Variants in KCNIP4 observed in about 807,000 individuals in gnomAD.
KCNIP4 encodes the protein Kv channel-interacting protein 4.
A neutral mutation model predicts 34.0 loss-of-function variants in KCNIP4; 12 were observed. That is an observed-to-expected ratio of 0.35 (90% CI 0.23 to 0.57). The LOEUF is 0.57. Among genes scored for constraint, KCNIP4 ranks in the 20% least tolerant of loss-of-function variants. KCNIP4 has a pLI of 0.83. For missense variants in KCNIP4, 238 were observed against 311.7 expected, an observed-to-expected ratio of 0.76 and a Z score of 1.78; for synonymous variants, 124 against 102.2, an observed-to-expected ratio of 1.21 and a Z score of -1.29.
chr4:21,243,215 T>G (rs73249518), intron 1 of KCNIP4, among the ~76,000 whole-genome samples: 1 of 152,096 alleles, frequency 6.6e-6, no homozygotes, highest in East Asian at 1.9e-4. Context: ...CCTCTCTTTA[T>G]GATACATATA....
At chr4:21,412,497 T>C (rs1233455717) in intron 1 of KCNIP4, among the ~76,000 whole-genome samples, 1 of 152,244 alleles carries the variant, frequency 6.6e-6, no homozygotes, top group Non-Finnish European at 1.5e-5. Flanking sequence ...CTTTGGTTAA[T>C]TGACTTGACT....
intron 1 of KCNIP4, among the ~76,000 whole-genome samples, chr4:21,110,031 C>A (rs1749018071): frequency 4.6e-5 from 7 of 152,162 alleles, no homozygotes; most frequent in Admixed American, 4.6e-4. Flanking sequence ...ATCAGGTCTT[C>A]TAGAACAATT....
At chr4:21,767,322 G>A (rs143832884) in intron 1 of KCNIP4, among the ~76,000 whole-genome samples, 62 of 152,130 alleles carry the variant, frequency 4.1e-4, no homozygotes, top group Admixed American at 2.0e-3. Flanking sequence ...TGGGGGTTCA[G>A]AGCAGGGTGG....
At chr4:21,759,219 G>T (rs940606656) in intron 1 of KCNIP4, among the ~76,000 whole-genome samples, 1 of 152,064 alleles carries the variant, frequency 6.6e-6, no homozygotes, top group African/African-American at 2.4e-5. Flanking sequence ...TTAATATATT[G>T]ATTAAATGTG....
chr4:21,041,939 T>C lies in KCNIP4; in HGVS notation c.62-159230A>G, dbSNP rs557318515. ...CCTGCCACTTGCTGCTGTGATCTTA[T>C]CTATAAAAATAAAGACAAAATACCT... On this transcript the variant is annotated intron_variant, in intron 1 of 8. Coordinates refer to ENST00000382152, the MANE Select transcript of KCNIP4 (RefSeq NM_025221.6). Among the ~76,000 whole-genome samples the C allele has an allele frequency of 8.5e-5, 13 of 152,302 alleles. No individual in the cohort carries two copies. The South Asian group carries it at 2.3e-3, about 27-fold the overall frequency.
At chr4:21,642,657 GA>G (rs1020261005) in intron 1 of KCNIP4, among the ~76,000 whole-genome samples, 2 of 152,028 alleles carry the variant, frequency 1.3e-5, no homozygotes, top group Admixed American at 6.6e-5. Context: ...TAGTTCCAAA[GA>G]GAGGAATGCT....
chr4:21,229,580 T>TAA (rs1374235585), intron 1 of KCNIP4, among the ~76,000 whole-genome samples: 1 of 152,182 alleles, frequency 6.6e-6, no homozygotes, highest in East Asian at 1.9e-4. Flanking sequence ...AGAAATCGGA[T>TAA]AACAAACATA....
intron 1 of KCNIP4, among the ~76,000 whole-genome samples, chr4:20,952,977 G>A (rs1560596824): frequency 6.6e-6 from 1 of 152,278 alleles, no homozygotes; most frequent in South Asian, 2.1e-4. Context: ...CTTTTAATAA[G>A]GGCACTAATC....
At chr4:20,962,767 A>C (rs747767265) in intron 1 of KCNIP4, among the ~76,000 whole-genome samples, 12 of 152,224 alleles carry the variant, frequency 7.9e-5, no homozygotes, top group Non-Finnish European at 1.6e-4. Flanking sequence ...TGTATAGATG[A>C]GCGATAACAG....
At chr4:20,757,884 G>C (rs1012481927) in intron 4 of KCNIP4, among the ~76,000 whole-genome samples, 49 of 152,162 alleles carry the variant, frequency 3.2e-4, no homozygotes, top group African/African-American at 1.1e-3. Flanking sequence ...AACTCATCTG[G>C]AGAGTCTCTT....
intron 1 of KCNIP4, among the ~76,000 whole-genome samples, chr4:20,950,092 A>G (rs1479056509): frequency 6.6e-6 from 1 of 150,714 alleles, no homozygotes; most frequent in Non-Finnish European, 1.5e-5. Flanking sequence ...GCAATCATGA[A>G]TATCACAAAA....
intron 1 of KCNIP4, among the ~76,000 whole-genome samples, chr4:21,732,902 A>G (rs1202863889): frequency 6.6e-6 from 1 of 152,190 alleles, no homozygotes. Flanking sequence ...TTGCTCTTCT[A>G]TTTCTGTTCT....
chr4:21,534,467 A>C (rs1736988974), intron 1 of KCNIP4, among the ~76,000 whole-genome samples: 1 of 152,170 alleles, frequency 6.6e-6, no homozygotes, highest in Non-Finnish European at 1.5e-5. Context: ...TGAGGAAATA[A>C]AGGTAAAGTG....
At chr4:21,763,551 T>C (rs1297574186) in intron 1 of KCNIP4, among the ~76,000 whole-genome samples, 11 of 152,146 alleles carry the variant, frequency 7.2e-5, no homozygotes, top group African/African-American at 2.4e-4. Context: ...TTCTAGAGTG[T>C]CTTCTGAGAG....
At chr4:21,843,763 A>T (rs935466943) in intron 1 of KCNIP4, 3 of 152,136 alleles carry the variant, frequency 2.0e-5, no homozygotes, top group Non-Finnish European at 4.4e-5. Context: ...GAAAGAAAGA[A>T]TACGACAATT....
At chr4:21,301,262 T>C (rs558448390) in intron 1 of KCNIP4, among the ~76,000 whole-genome samples, 2 of 152,296 alleles carry the variant, frequency 1.3e-5, no homozygotes, top group Non-Finnish European at 1.5e-5. Flanking sequence ...TACACATAGA[T>C]AAAAGCAAAA....
chr4:21,322,860 G>A (rs867647406), intron 1 of KCNIP4, among the ~76,000 whole-genome samples: 13 of 152,052 alleles, frequency 8.5e-5, no homozygotes, highest in African/African-American at 2.9e-4. Flanking sequence ...GAAATAACCA[G>A]AAATAGAATT....
At chr4:21,315,551 C>A (rs979031406) in intron 1 of KCNIP4, among the ~76,000 whole-genome samples, 3 of 152,144 alleles carry the variant, frequency 2.0e-5, no homozygotes, top group Non-Finnish European at 4.4e-5. Flanking sequence ...GGGGCCAGTG[C>A]CCTTACCTCT....
chr4:21,047,589 G>A (rs530560993), intron 1 of KCNIP4, among the ~76,000 whole-genome samples: 4 of 152,238 alleles, frequency 2.6e-5, no homozygotes, highest in Non-Finnish European at 4.4e-5. Context: ...GACTCCAAAC[G>A]TATGTATCAT....
Sources: gnomAD v4.1 joint callset for allele counts (sites outside exome capture counted in the v4.1 genomes callset) on GRCh38, gnomAD v4.1.1 for gene constraint, MANE v1.5 for transcripts, NCBI Gene and HGNC (gene_info 2026-07-23, HGNC 2026-07-21) for gene names.